The following HECW1 variants were observed in gnomAD, a reference collection of about 807,000 sequenced individuals.
The protein encoded by HECW1 is E3 ubiquitin-protein ligase HECW1.
A neutral mutation model predicts 182.3 loss-of-function variants in HECW1; 61 were observed. The observed-to-expected ratio is 0.33, with a 90% confidence interval of 0.27 to 0.41. The LOEUF (loss-of-function observed/expected upper bound fraction) is 0.41, where lower values mean the gene tolerates loss of function less well. HECW1 is among the 10% of genes least tolerant of loss of function. The pLI is 1.00. For missense variants in HECW1, 1,739 were observed against 2,108.9 expected (o/e 0.82, Z 3.44); for synonymous variants, 859 against 832.6 (o/e 1.03, Z -0.55).
intron 3 of HECW1, among the ~76,000 whole-genome samples, chr7:43,275,549 A>G (rs1368249069): frequency 2.0e-5 from 3 of 152,222 alleles, no homozygotes; most frequent in Non-Finnish European, 4.4e-5. Flanking sequence ...AAGAAATGGT[A>G]TTAAGTTTTA....
intron 5 of HECW1, among the ~76,000 whole-genome samples, chr7:43,336,124 T>TTCTTTCTTTC (rs1313057919): frequency 5.0e-4 from 32 of 64,300 alleles, no homozygotes; most frequent in Non-Finnish European, 8.7e-4. Flanking sequence ...CTTTCTTTCT[T>TTCTTTCTTTC]TCTCTCTCTC....
At chr7:43,373,870 A>C (rs1163095302) in intron 6 of HECW1, among the ~76,000 whole-genome samples, 1 of 152,152 alleles carries the variant, frequency 6.6e-6, no homozygotes, top group Non-Finnish European at 1.5e-5. Context: ...TAGGCACCTC[A>C]TATAGGAGGA....
chr7:43,306,200 A>T (rs1807541979), intron 3 of HECW1, among the ~76,000 whole-genome samples: 1 of 152,222 alleles, frequency 6.6e-6, no homozygotes, highest in Non-Finnish European at 1.5e-5. Context: ...TCTGGCCTTG[A>T]TAATGTTTTA....
intron 3 of HECW1, among the ~76,000 whole-genome samples, chr7:43,302,650 C>T (rs1173058841): frequency 1.1e-4 from 17 of 152,174 alleles, no homozygotes; most frequent in Admixed American, 1.1e-3. Flanking sequence ...CACAGCAGCT[C>T]CACCTCCCTT....
chr7:43,380,215 G>A (rs1259094216), intron 6 of HECW1, among the ~76,000 whole-genome samples: 1 of 152,058 alleles, frequency 6.6e-6, no homozygotes, highest in Non-Finnish European at 1.5e-5. Flanking sequence ...ACCACACCTG[G>A]CTAATATTTT....
chr7:43,240,040 T>G (rs74653003), intron 2 of HECW1: 13,651 of 152,238 alleles, frequency 0.09, 971 homozygotes, highest in African/African-American at 0.19. Context: ...GGAAAAAAAG[T>G]TTTTTTTAAA....
In HECW1 at chr7:43,369,359, G is replaced by A. The variant is rs143599918; in HGVS notation, c.555+8379G>A. Among the ~76,000 whole-genome samples, 541 of 152,296 alleles carry A rather than the reference G, an allele frequency of 3.6e-3. 3 individuals are homozygous for A. The highest frequency in any genetic ancestry group is 0.013 in the African/African-American group (521 of 41,564). On this transcript the variant is annotated intron_variant, in intron 6 of 29. Coordinates refer to ENST00000395891, the MANE Select transcript of HECW1 (RefSeq NM_015052.5). ...TGTAATCCCAGCTACTCGGGAGGCT[G>A]AGGCAAGAGAATCGCTTGAACTCGG...
At chr7:43,207,204 G>A (rs1795558069) in intron 2 of HECW1, among the ~76,000 whole-genome samples, 2 of 152,010 alleles carry the variant, frequency 1.3e-5, no homozygotes, top group African/African-American at 4.8e-5. Flanking sequence ...ATGCCACCAT[G>A]CCTGGCTAAT....
intron 2 of HECW1, among the ~76,000 whole-genome samples, chr7:43,216,661 AT>A (rs549924160): frequency 8.7e-4 from 123 of 141,824 alleles, no homozygotes; most frequent in East Asian, 1.7e-3. Flanking sequence ...ATGCAGTGTA[AT>A]TTTTTTTTTT....
intron 2 of HECW1, among the ~76,000 whole-genome samples, chr7:43,144,886 A>G (rs1355767658): frequency 1.3e-5 from 2 of 152,202 alleles, no homozygotes; most frequent in East Asian, 3.8e-4. Flanking sequence ...ATTAAATTTT[A>G]TGTAGCAAAA....
Position 43,550,476 on chromosome 7 carries a change from C to T in HECW1, c.4280C>T (p.Ala1427Val), listed in dbSNP as rs769172989. 4 of 1,614,080 alleles carry T rather than the reference C, an allele frequency of 2.5e-6. No homozygotes were observed. The highest frequency in any genetic ancestry group is 2.2e-5 in the East Asian group (1 of 44,878). ...GAAAGGGAGTTGAAGTCTGGAGGAG[C>T]CAACACACAGGTGACGGAGAAAAAC... Reference protein sequence around the residue: ...VTERELKSGGANTQVTEKNKK... With the variant: ...VTERELKSGGVNTQVTEKNKK... The change falls in exon 27 of 30, where the codon GCC (alanine) becomes GTC (valine). Residue 1427 changes from alanine (A) to valine (V), a missense_variant. Physicochemically the swap from Ala to Val is moderately conservative, Grantham distance 64. Coordinates refer to ENST00000395891, the MANE Select transcript of HECW1 (RefSeq NM_015052.5).
intron 2 of HECW1, among the ~76,000 whole-genome samples, chr7:43,152,455 A>G (rs1482213525): frequency 1.3e-5 from 2 of 152,232 alleles, no homozygotes; most frequent in African/African-American, 4.8e-5. Flanking sequence ...GTTTTTTAAA[A>G]TATGTTGGAT....
chr7:43,475,146 C>T (rs978682726), intron 16 of HECW1, among the ~76,000 whole-genome samples: 1 of 152,006 alleles, frequency 6.6e-6, no homozygotes, highest in Non-Finnish European at 1.5e-5. Flanking sequence ...GTATATTTTG[C>T]CACAACAACA....
At chr7:43,165,047 T>C (rs549528580) in intron 2 of HECW1, among the ~76,000 whole-genome samples, 1 of 152,324 alleles carries the variant, frequency 6.6e-6, no homozygotes, top group African/African-American at 2.4e-5. Context: ...CATTTCCACT[T>C]TTGGAGAAAT....
intron 29 of HECW1, among the ~76,000 whole-genome samples, chr7:43,559,289 C>T: frequency 6.6e-6 from 1 of 152,118 alleles, no homozygotes; most frequent in Non-Finnish European, 1.5e-5. Flanking sequence ...TGGAATTCGA[C>T]ACAACTTAAA....
intron 3 of HECW1, among the ~76,000 whole-genome samples, chr7:43,283,353 T>C (rs777346906): frequency 2.4e-4 from 36 of 152,310 alleles, no homozygotes; most frequent in Admixed American, 3.9e-4. Flanking sequence ...AAGTCAGAAG[T>C]ATGTGTGAGA....
intron 19 of HECW1, among the ~76,000 whole-genome samples, chr7:43,497,507 T>C (rs1349060877): frequency 6.6e-6 from 1 of 152,086 alleles, no homozygotes; most frequent in Non-Finnish European, 1.5e-5. Context: ...TGACCACCAA[T>C]GAAATATGAT....
intron 26 of HECW1, among the ~76,000 whole-genome samples, chr7:43,546,357 T>A (rs1301214139): frequency 6.6e-6 from 1 of 151,872 alleles, no homozygotes; most frequent in East Asian, 1.9e-4. Flanking sequence ...TGTTTGGGGC[T>A]TGATGACTTT....
At chr7:43,144,615 G>A (rs191263550) in intron 2 of HECW1, among the ~76,000 whole-genome samples, 1 of 152,260 alleles carries the variant, frequency 6.6e-6, no homozygotes, top group Non-Finnish European at 1.5e-5. Context: ...TTGTCTGGGA[G>A]CCCTTTTATT....
Sources: gnomAD v4.1 joint callset for allele counts (sites outside exome capture counted in the v4.1 genomes callset) on GRCh38, gnomAD v4.1.1 for gene constraint, MANE v1.5 for transcripts, NCBI Gene and HGNC (gene_info 2026-07-23, HGNC 2026-07-21) for gene names.